The following TMOD3 variants were observed in gnomAD, a reference collection of about 807,000 sequenced individuals.
TMOD3 encodes the protein tropomodulin 3.
In TMOD3, 20 loss-of-function variants were observed where a neutral mutation model predicts 39.2. The ratio of observed to expected loss-of-function variants is 0.51; its 90% CI spans 0.36 to 0.74. The LOEUF (loss-of-function observed/expected upper bound fraction) is 0.74, where lower values mean the gene tolerates loss of function less well. TMOD3 is among the 30% of genes least tolerant of loss of function. The probability of loss-of-function intolerance (pLI) is 0.00; values close to 1 mark genes in which losing one functional copy is unlikely to be tolerated. For synonymous variants in TMOD3, 143 were observed against 145.8 expected (o/e 0.98, Z 0.14); for missense variants, 381 against 412.8 (o/e 0.92, Z 0.67).
intron 2 of TMOD3, 64 bp from the exon 3 acceptor site, chr15:51,869,153 C>A: frequency 1.9e-6 from 3 of 1,543,964 alleles, no homozygotes; most frequent in Non-Finnish European, 2.6e-6. Flanking sequence ...TATGGGTAAT[C>A]TTCGGAAGCA....
chr15:51,900,304 T>A lies in TMOD3; in HGVS notation c.879+6T>A. 1 of 1,613,910 alleles carries A rather than the reference T, an allele frequency of 6.2e-7. No individual in the cohort carries two copies. The highest frequency in any genetic ancestry group is 8.5e-7 in the Non-Finnish European group (1 of 1,179,958). On this transcript the variant is annotated splice_donor_region_variant and intron_variant, in intron 8 of 9. Coordinates refer to ENST00000308580, the MANE Select transcript of TMOD3 (RefSeq NM_014547.5). ...AGCTCAAGATTGACAATCAGGTCAA[T>A]GTTCTACAATAATAACGTCGAGGAA...
intron 3 of TMOD3, among the ~76,000 whole-genome samples, chr15:51,871,674 A>G (rs1194967885): frequency 6.6e-6 from 1 of 152,232 alleles, no homozygotes; most frequent in Non-Finnish European, 1.5e-5. Flanking sequence ...AAAGCAGAGA[A>G]GAATTACGGA....
intron 7 of TMOD3, 44 bp from the exon 8 acceptor site, chr15:51,900,111 A>G (rs200006977): frequency 6.4e-7 from 1 of 1,570,440 alleles, no homozygotes; most frequent in Non-Finnish European, 8.8e-7. Flanking sequence ...TGTAGTAGGT[A>G]CTGTATCAAA....
rs147217883 is a variant in TMOD3 at position 51,901,764 on chromosome 15, A to G, written c.880-128A>G. On this transcript the variant is annotated intron_variant, in intron 8 of 9. Coordinates refer to ENST00000308580, the MANE Select transcript of TMOD3 (RefSeq NM_014547.5). ...AGTACTTGGAACTACTGAACTATGT[A>G]TATGTTGTAGGAATTGGGAACATTT... is the stretch of plus-strand genomic sequence containing the variant. The G allele has an allele frequency of 1.7e-4, 153 of 922,494 alleles. No individual in the cohort carries two copies. In the African/African-American group the frequency reaches 2.3e-3, roughly 14 times the overall value. 57.1% of individuals were successfully genotyped at this position (922,494 alleles called of 1,614,324 possible). A position where few individuals can be genotyped will look rare whatever the true frequency, so the allele number is the denominator to read the frequency against.
intron 3 of TMOD3, among the ~76,000 whole-genome samples, chr15:51,869,913 G>A (rs2056466451): frequency 6.6e-6 from 1 of 152,092 alleles, no homozygotes. Flanking sequence ...AGTGGAGCCT[G>A]AGTACGGCTG....
At chr15:51,890,418 C>T (rs1225123571) in intron 5 of TMOD3, among the ~76,000 whole-genome samples, 4 of 149,968 alleles carry the variant, frequency 2.7e-5, no homozygotes, top group Admixed American at 2.0e-4. Flanking sequence ...CTCAGGTGAT[C>T]TGCCCACCTC....
At chr15:51,837,107 G>C (rs1266201192) in intron 1 of TMOD3, among the ~76,000 whole-genome samples, 1 of 152,088 alleles carries the variant, frequency 6.6e-6, no homozygotes, top group Non-Finnish European at 1.5e-5. Context: ...TAAGAAGATT[G>C]TTGTATTTCC....
At chr15:51,859,473 T>C (rs1566856062) in intron 1 of TMOD3, 1 of 654,314 alleles carries the variant, frequency 1.5e-6, no homozygotes, top group African/African-American at 1.8e-5. Context: ...TGGATGGCTG[T>C]TCTGTAAACT....
intron 1 of TMOD3, among the ~76,000 whole-genome samples, chr15:51,846,702 A>G (rs999625044): frequency 6.6e-6 from 1 of 152,230 alleles, no homozygotes; most frequent in African/African-American, 2.4e-5. Flanking sequence ...TTTTGTTCAC[A>G]GTAGGACTGG....
chr15:51,854,243 A>G (rs1012455461), intron 1 of TMOD3, among the ~76,000 whole-genome samples: 2 of 152,212 alleles, frequency 1.3e-5, no homozygotes, highest in African/African-American at 4.8e-5. Flanking sequence ...CAGCTCTGTC[A>G]TTGTAGCACA....
intron 1 of TMOD3, among the ~76,000 whole-genome samples, chr15:51,845,332 A>G (rs529178935): frequency 2.0e-4 from 31 of 151,756 alleles, no homozygotes; most frequent in Admixed American, 5.2e-4. Flanking sequence ...AACCAGGACT[A>G]TATTTTAGCT....
Position 51,877,053 on chromosome 15 carries a change from ACT to A in TMOD3, c.283+7683_283+7684del, listed in dbSNP as rs372838152. On this transcript the variant is annotated intron_variant, in intron 3 of 9. Transcript: ENST00000308580. ...ACTCCACCCTTGGCATCAGAGCGAG[ACT>A]CTGTCTCAAAAAAAATAAAGAAAAA... 1.4e-4 allele frequency among the ~76,000 whole-genome samples: 22 copies of A among 152,098 alleles called. No homozygotes were observed. In the East Asian group the frequency reaches 2.9e-3, roughly 20 times the overall value.
At chr15:51,833,082 A>G (rs2056264336) in intron 1 of TMOD3, 1 of 152,248 alleles carries the variant, frequency 6.6e-6, no homozygotes, top group South Asian at 2.1e-4. Flanking sequence ...AATGGTATAG[A>G]CAATAGAATA....
At chr15:51,852,062 T>C (rs1385845583) in intron 1 of TMOD3, among the ~76,000 whole-genome samples, 1 of 152,238 alleles carries the variant, frequency 6.6e-6, no homozygotes, top group Non-Finnish European at 1.5e-5. Context: ...TCTTCCTTTA[T>C]TAATTGGTTT....
At chr15:51,872,775 T>G (rs944201828) in intron 3 of TMOD3, among the ~76,000 whole-genome samples, 5 of 152,074 alleles carry the variant, frequency 3.3e-5, no homozygotes, top group African/African-American at 1.2e-4. Flanking sequence ...GAGGACCAGA[T>G]TTATTAATGG....
chr15:51,894,172 T>C (rs144264170), intron 6 of TMOD3, among the ~76,000 whole-genome samples: 121 of 152,376 alleles, frequency 7.9e-4, no homozygotes, highest in Non-Finnish European at 1.4e-3. Context: ...ATGTAAACCC[T>C]ACAAACTGTC....
At chr15:51,899,531 T>A (rs2056638573) in intron 7 of TMOD3, among the ~76,000 whole-genome samples, 1 of 151,744 alleles carries the variant, frequency 6.6e-6, no homozygotes, top group Non-Finnish European at 1.5e-5. Flanking sequence ...CCGGGCATGG[T>A]GGCACACAAC....
At chr15:51,900,443 G>T (rs914157982) in intron 8 of TMOD3, 145 bp downstream of exon 8, 3 of 833,388 alleles carry the variant, frequency 3.6e-6, no homozygotes, top group South Asian at 1.8e-5. Context: ...GACATTTGGG[G>T]TATCTAGAAT....
In TMOD3 at chr15:51,911,310, G is replaced by A. The variant is rs1005033550; in HGVS notation, c.*2500G>A. ...ATTATTTATCAAAGTATGAAGTTGA[G>A]TATTTTGCTTGTACCATTTCAATTC... On this transcript the variant is annotated 3_prime_UTR_variant, in exon 10 of 10. Coordinates refer to ENST00000308580, the MANE Select transcript of TMOD3 (RefSeq NM_014547.5). The A allele has an allele frequency of 1.3e-5, 2 of 152,112 alleles. No individual in the cohort carries two copies. The highest frequency in any genetic ancestry group is 6.5e-5 in the Admixed American group (1 of 15,278). 9.4% of individuals were successfully genotyped at this position (152,112 alleles called of 1,614,324 possible).
Sources: allele counts gnomAD v4.1 joint callset (sites outside exome capture counted in the v4.1 genomes callset), GRCh38; gene constraint gnomAD v4.1.1; transcripts MANE v1.5; gene names NCBI Gene and HGNC (gene_info 2026-07-23, HGNC 2026-07-21).